Variants in CABLES1 observed in about 807,000 individuals in gnomAD.
CABLES1 encodes CDK5 and ABL1 enzyme substrate 1.
In CABLES1, 36 loss-of-function variants were observed where a neutral mutation model predicts 57.8. The observed-to-expected ratio is 0.62, with a 90% CI of 0.48 to 0.82. CABLES1 has a LOEUF of 0.82. Among genes scored for constraint, CABLES1 ranks in the 40% least tolerant of loss-of-function variants. CABLES1 has a pLI of 0.00. For synonymous variants in CABLES1, 374 were observed against 363.0 expected, an observed-to-expected ratio of 1.03 and a Z score of -0.35; for missense variants, 767 against 836.6, an observed-to-expected ratio of 0.92 and a Z score of 1.03.
chr18:23,256,041 A>G (rs1004566369), intron 9 of CABLES1, among the ~76,000 whole-genome samples: 2 of 152,190 alleles, frequency 1.3e-5, no homozygotes, highest in African/African-American at 4.8e-5. Flanking sequence ...GGCCTTCCTC[A>G]CTATTGATGC....
intron 1 of CABLES1, among the ~76,000 whole-genome samples, chr18:23,153,594 C>A (rs181373433): frequency 6.6e-6 from 1 of 151,870 alleles, no homozygotes; most frequent in Admixed American, 6.6e-5. Context: ...AGTAACCAGG[C>A]GTGGTGACAC....
intron 2 of CABLES1, among the ~76,000 whole-genome samples, chr18:23,191,906 T>TAAAAAA (rs147984743): frequency 8.5e-5 from 7 of 82,606 alleles, no homozygotes; most frequent in Admixed American, 1.5e-4. Flanking sequence ...GTTGAATGCT[T>TAAAAAA]AAAAAAAAAA....
chr18:23,173,277 C>T (rs2047096501), intron 1 of CABLES1, among the ~76,000 whole-genome samples: 1 of 152,202 alleles, frequency 6.6e-6, no homozygotes. Flanking sequence ...TAACCTGCTG[C>T]CTGCTGCGCA....
At chr18:23,243,317 C>T (rs943416046) in intron 7 of CABLES1, among the ~76,000 whole-genome samples, 6 of 152,024 alleles carry the variant, frequency 3.9e-5, no homozygotes, top group African/African-American at 1.4e-4. Flanking sequence ...GTGGCACTTC[C>T]CTGAGGCTTG....
Position 23,235,844 on chromosome 18 carries a change from C to A in CABLES1, c.1186-51C>A. 1.9e-6 allele frequency: 3 copies of A among 1,567,048 alleles called. No individual in the cohort carries two copies. The South Asian group carries it at 3.4e-5, about 18-fold the overall frequency. ...ACTGTAGCTTGATCAGAATGCAGAG[C>A]TAGCAATGCCTGGGAATAATCACTG... On this transcript the variant is annotated intron_variant, in intron 5 of 9. Coordinates refer to ENST00000256925, the MANE Select transcript of CABLES1 (RefSeq NM_001100619.3).
rs1261285388 is a variant in CABLES1 at position 23,136,268 on chromosome 18, C to T, written c.506C>T (p.Pro169Leu). ...GGGGTGGCGCGGGGGTTCGCGAGTC[C>T]CCTGGGCGCCGGCCGGGCGTCGGGG... is the stretch of plus-strand genomic sequence containing the variant. ...GPGVARGFAS[P>L]LGAGRASGEQ... is the part of the protein sequence containing the mutation. The change falls in exon 1 of 10, where the codon CCC becomes CTC. Residue 169 changes from proline to leucine, a missense_variant. By Grantham distance (98) the Pro-to-Leu change is moderately conservative. This residue lies in a region of CABLES1 where 529 missense variants were observed against 622.8 expected (regional missense o/e 0.85). Coordinates refer to ENST00000256925, the MANE Select transcript of CABLES1 (RefSeq NM_001100619.3). The T allele has an allele frequency of 7.4e-6, 10 of 1,354,164 alleles. No homozygotes were observed. Among genetic ancestry groups the T allele is most frequent in the African/African-American group, 1.5e-5 (1 of 64,734 alleles). The allele number at this position is 1,354,164 out of a possible 1,614,324, so 83.9% of individuals were successfully genotyped here.
chr18:23,146,683 A>C (rs1568042359), intron 1 of CABLES1, among the ~76,000 whole-genome samples: 1 of 152,244 alleles, frequency 6.6e-6, no homozygotes, highest in South Asian at 2.1e-4. Flanking sequence ...GATGCTTAAC[A>C]GCTTAAGAAG....
In CABLES1 at chr18:23,136,422, G is replaced by A. The variant is rs1359482678; in HGVS notation, c.660G>A (p.Pro220=). 6.2e-7 allele frequency: 1 copy of A among 1,600,510 alleles called. No individual in the cohort carries two copies. Among genetic ancestry groups the A allele is most frequent in the Non-Finnish European group, 8.5e-7 (1 of 1,175,028 alleles). ...EDDAFISVQV[P]AAAFLGSGTP... ...ATGCCTTTATCAGCGTGCAGGTGCC[G>A]GCGGCCGCCTTTTTGGGCTCCGGGA... The change falls in exon 1 of 10, where the codon CCG becomes CCA. Residue 220 remains proline, a synonymous_variant. Transcript: ENST00000256925.
At chr18:23,151,280 A>AGTGCT (rs2046928647) in intron 1 of CABLES1, among the ~76,000 whole-genome samples, 1 of 151,570 alleles carries the variant, frequency 6.6e-6, no homozygotes, top group African/African-American at 2.4e-5. Flanking sequence ...GGCCTCCCAA[A>AGTGCT]GTGCTGGGAT....
intron 3 of CABLES1, among the ~76,000 whole-genome samples, chr18:23,195,852 AG>A (rs537210985): frequency 8.3e-4 from 127 of 152,362 alleles, no homozygotes; most frequent in African/African-American, 2.8e-3. Flanking sequence ...TACAGAATAC[AG>A]AGCTTACTCA....
intron 3 of CABLES1, among the ~76,000 whole-genome samples, chr18:23,210,368 C>T (rs1397275160): frequency 1.3e-5 from 2 of 152,108 alleles, no homozygotes; most frequent in Admixed American, 6.6e-5. Context: ...AGAAGAGAAC[C>T]GCCGTGGTTG....
chr18:23,161,824 C>A (rs1014196395), intron 1 of CABLES1, among the ~76,000 whole-genome samples: 9 of 149,040 alleles, frequency 6.0e-5, no homozygotes, highest in Non-Finnish European at 1.2e-4. Context: ...CAGGAGGCTG[C>A]GGCAAGAGAA....
chr18:23,142,072 G>T (rs1217290379), intron 1 of CABLES1, among the ~76,000 whole-genome samples: 1 of 151,968 alleles, frequency 6.6e-6, no homozygotes, highest in Non-Finnish European at 1.5e-5. Context: ...ACCCCTTCTG[G>T]GTCCACCATT....
At chr18:23,150,406 T>G (rs747031269) in intron 1 of CABLES1, among the ~76,000 whole-genome samples, 1 of 151,876 alleles carries the variant, frequency 6.6e-6, no homozygotes, top group Non-Finnish European at 1.5e-5. Context: ...TTAGTAGAGA[T>G]GGGGTTTCAC....
At chr18:23,149,611 C>G (rs546127196) in intron 1 of CABLES1, 5 of 152,392 alleles carry the variant, frequency 3.3e-5, no homozygotes, top group East Asian at 1.9e-4. Context: ...AAGCTAAACT[C>G]TATCCTGGAT....
intron 4 of CABLES1, among the ~76,000 whole-genome samples, chr18:23,222,409 AC>A (rs1201800985): frequency 6.6e-6 from 1 of 151,944 alleles, no homozygotes; most frequent in African/African-American, 2.4e-5. Flanking sequence ...TATCTGCAGC[AC>A]TGTGCACAGA....
At chr18:23,242,465 C>T (rs2047760128) in intron 7 of CABLES1, among the ~76,000 whole-genome samples, 1 of 152,112 alleles carries the variant, frequency 6.6e-6, no homozygotes. Flanking sequence ...CACCTCTTGG[C>T]ATATAATTAA....
rs144021604 is a variant in CABLES1, at chr18:23,181,371, C to T, written c.846-7467C>T. ...ATTAGCCGGATGTGGTGGTATGCGC[C>T]TGTAGTCCCAGCTACTTGGGAGGCT... On this transcript the variant is annotated intron_variant, in intron 1 of 9. Coordinates refer to ENST00000256925, the MANE Select transcript of CABLES1 (RefSeq NM_001100619.3). 4.8e-3 allele frequency among the ~76,000 whole-genome samples: 722 copies of T among 151,906 alleles called. 4 individuals carry two copies. The highest frequency in any genetic ancestry group is 0.016 in the African/African-American group (681 of 41,418).
chr18:23,257,337 C>T lies in CABLES1; in HGVS notation c.1872C>T (p.Pro624=). ...ACTTGCCCGAGCACGAAGTCATGCC[C>T]CACTACAGACGGCTGGTCCAGAGTT... ...ALHLPEHEVM[P]HYRRLVQSS The change falls in exon 10 of 10, where the codon CCC becomes CCT. Residue 624 remains proline, a synonymous_variant. Coordinates refer to ENST00000256925, the MANE Select transcript of CABLES1 (RefSeq NM_001100619.3). The T allele has an allele frequency of 6.2e-7, 1 of 1,612,314 alleles. No individual in the cohort carries two copies. Among genetic ancestry groups the T allele is most frequent in the Middle Eastern group, 1.7e-4 (1 of 6,052 alleles).
Sources: allele counts gnomAD v4.1 joint callset (sites outside exome capture counted in the v4.1 genomes callset), GRCh38; gene constraint gnomAD v4.1.1; regional missense constraint gnomAD v4.1.1; transcripts MANE v1.5; gene names NCBI Gene and HGNC (gene_info 2026-07-23, HGNC 2026-07-21).